Variants in EIF3CL observed in about 807,000 individuals in gnomAD.
EIF3CL encodes the protein eukaryotic translation initiation factor 3 subunit C like.
For missense variants in EIF3CL, 5 were observed against 56.1 expected, an observed-to-expected ratio of 0.09 and a Z score of 2.91; for synonymous variants, 2 against 19.6, an observed-to-expected ratio of 0.10 and a Z score of 2.37.
the EIF3CL span, among the ~76,000 whole-genome samples, chr16:28,416,863 C>T: frequency 1.2e-5 from 1 of 85,544 alleles, no homozygotes; most frequent in African/African-American, 4.2e-5. Flanking sequence ...CCCGGCCAGC[C>T]GCCCCGTCCG....
chr16:28,422,903 G>C, the EIF3CL span, among the ~76,000 whole-genome samples: 2 of 123,264 alleles, frequency 1.6e-5, no homozygotes, highest in Admixed American at 9.0e-5. Context: ...CCATATGGCT[G>C]TGTGTGGTGG....
chr16:28,416,845 C>G, the EIF3CL span, among the ~76,000 whole-genome samples: 1 of 76,292 alleles, frequency 1.3e-5, no homozygotes, highest in African/African-American at 4.7e-5. Context: ...AAGTGAGGAG[C>G]CCCTCTGCCC....
the EIF3CL span, among the ~76,000 whole-genome samples, chr16:28,416,659 C>A: frequency 9.8e-6 from 1 of 101,742 alleles, no homozygotes; most frequent in Non-Finnish European, 2.2e-5. Flanking sequence ...GCAGCCGCCC[C>A]GTCTGAGAAG....
the EIF3CL span, among the ~76,000 whole-genome samples, chr16:28,422,881 C>T: frequency 3.3e-5 from 4 of 120,102 alleles, no homozygotes; most frequent in Non-Finnish European, 7.2e-5. Flanking sequence ...AATCTCAGCC[C>T]GGAGTTAAAA....
chr16:28,417,950 G>A, the EIF3CL span, among the ~76,000 whole-genome samples: 1 of 140,484 alleles, frequency 7.1e-6, no homozygotes, highest in African/African-American at 2.6e-5. Flanking sequence ...GGCTGAGGCA[G>A]CAGTATCTCT....
chr16:28,415,842 C>CTCCG, the EIF3CL span, among the ~76,000 whole-genome samples: 2 of 84,038 alleles, frequency 2.4e-5, no homozygotes, highest in Non-Finnish European at 5.7e-5. Flanking sequence ...CTCCCTCTCC[C>CTCCG]TCTCCCTCTC....
chr16:28,423,955 G>T, the EIF3CL span, among the ~76,000 whole-genome samples: 3 of 109,018 alleles, frequency 2.8e-5, no homozygotes, highest in Non-Finnish European at 5.8e-5. Flanking sequence ...CCAAGTAGCT[G>T]GGACTACAGG....
At chr16:28,414,798 G>C in the EIF3CL span, 22 of 465,800 alleles carry the variant, frequency 4.7e-5, 2 homozygotes, top group Non-Finnish European at 7.9e-5. Flanking sequence ...TGGAGGTGAC[G>C]AGTTCCCCCT....
chr16:28,418,667 T>C, the EIF3CL span, among the ~76,000 whole-genome samples: 1 of 151,728 alleles, frequency 6.6e-6, no homozygotes, highest in Non-Finnish European at 1.5e-5. Flanking sequence ...TTTCGCTCTT[T>C]TGCCTAGGCT....
chr16:28,426,073 C>T, the EIF3CL span, among the ~76,000 whole-genome samples: 1 of 113,494 alleles, frequency 8.8e-6, no homozygotes, highest in South Asian at 2.5e-4. Context: ...CAGAGGGAGA[C>T]TCTGTCTCAA....
At chr16:28,415,638 T>C in the EIF3CL span, among the ~76,000 whole-genome samples, 2 of 122,980 alleles carry the variant, frequency 1.6e-5, no homozygotes, top group African/African-American at 6.4e-5. Flanking sequence ...TAGTCCCAGA[T>C]ACTTGGTAGG....
At chr16:28,419,180 G>T in the EIF3CL span, among the ~76,000 whole-genome samples, 1 of 150,376 alleles carries the variant, frequency 6.6e-6, no homozygotes, top group African/African-American at 2.5e-5. Context: ...CTAATTTTTT[G>T]TATTTGTAGT....
the EIF3CL span, among the ~76,000 whole-genome samples, chr16:28,417,450 CTT>C: frequency 1.4e-4 from 18 of 127,980 alleles, no homozygotes; most frequent in Non-Finnish European, 2.9e-4. Context: ...ACATGGGAGA[CTT>C]TTCATTTTGT....
the EIF3CL span, among the ~76,000 whole-genome samples, chr16:28,423,844 C>T: frequency 7.1e-5 from 8 of 112,308 alleles, no homozygotes; most frequent in African/African-American, 1.1e-4. Context: ...TTTTTTGAGA[C>T]GGAGTCTTGC....
chr16:28,417,852 A>C, the EIF3CL span, among the ~76,000 whole-genome samples: 1 of 147,098 alleles, frequency 6.8e-6, no homozygotes, highest in Non-Finnish European at 1.5e-5. Context: ...AACTCAAATA[A>C]AGTTTGCACT....
chr16:28,415,792 C>CCCTCTCCCTCTCCCTCTCCCTCTT, the EIF3CL span, among the ~76,000 whole-genome samples: 1 of 101,636 alleles, frequency 9.8e-6, no homozygotes, highest in Non-Finnish European at 2.2e-5. Context: ...TATTTTCATG[C>CCCTCTCCCTCTCCCTCTCCCTCTT]CCTCTCCCTC....
chr16:28,403,079 G>A (rs1194992746), intron 2 of EIF3CL, among the ~76,000 whole-genome samples: 1 of 145,188 alleles, frequency 6.9e-6, no homozygotes, highest in African/African-American at 2.5e-5. Context: ...GAGGTGAACA[G>A]GCATATAAAA....
At chr16:28,415,816 T>C in the EIF3CL span, among the ~76,000 whole-genome samples, 1,657 of 68,834 alleles carry the variant, frequency 0.024, 45 homozygotes, top group East Asian at 0.046. Flanking sequence ...CTCTCCCTCT[T>C]CCTCTCCCTC....
chr16:28,417,085 C>A, the EIF3CL span, among the ~76,000 whole-genome samples: 2 of 107,326 alleles, frequency 1.9e-5, no homozygotes, highest in East Asian at 5.8e-4. Context: ...CCGGCCGCCC[C>A]TACTGGGAAG....
Sources: allele counts gnomAD v4.1 joint callset (sites outside exome capture counted in the v4.1 genomes callset), GRCh38; gene constraint gnomAD v4.1.1; transcripts MANE v1.5; gene names NCBI Gene and HGNC (gene_info 2026-07-23, HGNC 2026-07-21).